The following LRBA variants were observed in gnomAD, a reference collection of about 807,000 sequenced individuals.
LRBA encodes lipopolysaccharide-responsive and beige-like anchor protein.
Under a neutral mutation model 330.0 loss-of-function variants are expected in LRBA, and 176 were observed. The observed-to-expected ratio is 0.53, with a 90% CI of 0.47 to 0.60. The LOEUF (loss-of-function observed/expected upper bound fraction) is 0.60. Ranked by LOEUF, LRBA falls within the 20% of genes least tolerant of loss-of-function variation. The pLI is 0.00. For synonymous variants in LRBA, 1,230 were observed against 1,193.0 expected (o/e 1.03, Z -0.64); for missense variants, 3,259 against 3,444.8 (o/e 0.95, Z 1.35).
chr4:150,749,873 T>C (rs932814811), intron 35 of LRBA, among the ~76,000 whole-genome samples: 2 of 152,260 alleles, frequency 1.3e-5, no homozygotes, highest in African/African-American at 4.8e-5. Flanking sequence ...GCATAGCTTA[T>C]AGGGCCTTAT....
intron 37 of LRBA, among the ~76,000 whole-genome samples, chr4:150,613,586 G>T (rs1417546793): frequency 6.6e-6 from 1 of 152,206 alleles, no homozygotes; most frequent in Non-Finnish European, 1.5e-5. Context: ...ATCATTTTAG[G>T]AGTCTGGCTC....
At position 150,543,472 on chromosome 4, in the gene LRBA, C is replaced by A. The variant is rs78157914; in HGVS notation, c.6330+44576G>T. Among the ~76,000 whole-genome samples, 174 of 152,240 alleles carry A rather than the reference C, an allele frequency of 1.1e-3. 3 individuals are homozygous for A. The highest frequency in any genetic ancestry group is 4.1e-3 in the African/African-American group (170 of 41,554). On this transcript the variant is annotated intron_variant, in intron 40 of 56. Coordinates refer to ENST00000651943, the MANE Select transcript of LRBA (RefSeq NM_001364905.1). ...CTTATCTGTTTTAACCAAATATTTT[C>A]TTGACGCAGAAGAGGCAATCATGAT... is the stretch of plus-strand genomic sequence containing the variant.
At chr4:150,616,230 G>A (rs999967716) in intron 37 of LRBA, among the ~76,000 whole-genome samples, 1 of 152,260 alleles carries the variant, frequency 6.6e-6, no homozygotes, top group South Asian at 2.1e-4. Flanking sequence ...CATAATACAG[G>A]TGTGGACTGG....
chr4:150,892,945 C>T, intron 17 of LRBA, 107 bp downstream of exon 17: 2 of 648,054 alleles, frequency 3.1e-6, no homozygotes, highest in South Asian at 5.8e-5. Flanking sequence ...TCATTTCATG[C>T]TATAAACTCA....
intron 46 of LRBA, among the ~76,000 whole-genome samples, chr4:150,434,844 C>T (rs550032554): frequency 1.3e-5 from 2 of 150,678 alleles, no homozygotes; most frequent in African/African-American, 2.4e-5. Flanking sequence ...AGTGACAAAG[C>T]GAGACCTTGT....
At chr4:150,645,667 C>G (rs1227769561) in intron 37 of LRBA, among the ~76,000 whole-genome samples, 1 of 151,724 alleles carries the variant, frequency 6.6e-6, no homozygotes, top group Non-Finnish European at 1.5e-5. Context: ...AGAGAAAAAT[C>G]TAACAATTAT....
chr4:150,313,465 T>C (rs764304048), intron 51 of LRBA, among the ~76,000 whole-genome samples: 1 of 152,154 alleles, frequency 6.6e-6, no homozygotes, highest in Non-Finnish European at 1.5e-5. Flanking sequence ...AAAAATTGTC[T>C]GAGAGGATAC....
intron 47 of LRBA, among the ~76,000 whole-genome samples, chr4:150,394,136 A>G (rs1301388173): frequency 1.3e-5 from 2 of 152,124 alleles, no homozygotes; most frequent in African/African-American, 4.8e-5. Context: ...TGATCATTCA[A>G]TATTATTCCT....
chr4:150,872,794 T>C (rs902195097), intron 17 of LRBA, 39 bp from the exon 18 acceptor site: 6 of 1,058,760 alleles, frequency 5.7e-6, no homozygotes, highest in Non-Finnish European at 8.5e-6. Context: ...ATTTTGAGTA[T>C]AATTTTTAAA....
chr4:150,847,495 G>T (rs1166610762), intron 26 of LRBA, among the ~76,000 whole-genome samples: 1 of 152,128 alleles, frequency 6.6e-6, no homozygotes, highest in African/African-American at 2.4e-5. Context: ...GTATACATTA[G>T]TTTATGTAAC....
intron 48 of LRBA, among the ~76,000 whole-genome samples, chr4:150,344,397 T>A (rs1735999441): frequency 6.6e-6 from 1 of 152,220 alleles, no homozygotes; most frequent in South Asian, 2.1e-4. Flanking sequence ...ATCCTCTACT[T>A]TCTAAGCTAT....
At chr4:150,861,619 A>G (rs1321230551) in intron 22 of LRBA, among the ~76,000 whole-genome samples, 1 of 152,206 alleles carries the variant, frequency 6.6e-6, no homozygotes, top group Non-Finnish European at 1.5e-5. Flanking sequence ...GTGCAGGTCT[A>G]GTACACTACA....
At chr4:150,298,742 T>C (rs1478231029) in intron 53 of LRBA, among the ~76,000 whole-genome samples, 5 of 152,024 alleles carry the variant, frequency 3.3e-5, no homozygotes, top group Non-Finnish European at 5.9e-5. Flanking sequence ...GCATGTCTGA[T>C]TGCAATGAGG....
chr4:150,521,919 A>G (rs1762961220), intron 40 of LRBA, among the ~76,000 whole-genome samples: 1 of 152,224 alleles, frequency 6.6e-6, no homozygotes, highest in Admixed American at 6.5e-5. Flanking sequence ...TCAGTTACTG[A>G]TAGAAAAATT....
intron 37 of LRBA, among the ~76,000 whole-genome samples, chr4:150,650,499 G>C (rs1272252804): frequency 6.6e-6 from 1 of 152,020 alleles, no homozygotes; most frequent in African/African-American, 2.4e-5. Context: ...GCACCAAATA[G>C]AGTAAGGAAT....
intron 9 of LRBA, among the ~76,000 whole-genome samples, chr4:150,911,814 C>T (rs1159648984): frequency 6.6e-6 from 1 of 152,150 alleles, no homozygotes; most frequent in African/African-American, 2.4e-5. Flanking sequence ...GTGAAGCCAT[C>T]TAGTCCCTGG....
At chr4:150,841,001 G>C (rs1192786869) in intron 28 of LRBA, 5 of 1,256,504 alleles carry the variant, frequency 4.0e-6, no homozygotes, top group Non-Finnish European at 5.2e-6. Flanking sequence ...TGTGATCCGT[G>C]ATCTGACAAA....
At chr4:150,646,783 C>T (rs1581913654) in intron 37 of LRBA, among the ~76,000 whole-genome samples, 2 of 152,078 alleles carry the variant, frequency 1.3e-5, no homozygotes, top group African/African-American at 4.8e-5. Flanking sequence ...ATTTGAAATG[C>T]TAAAAAATCC....
intron 33 of LRBA, among the ~76,000 whole-genome samples, chr4:150,805,202 G>A (rs1267805469): frequency 1.7e-5 from 1 of 60,144 alleles, no homozygotes; most frequent in Admixed American, 2.2e-4. Flanking sequence ...GAAGGCAGAA[G>A]GAAGGAAGGA....
Sources: allele counts gnomAD v4.1 joint callset (sites outside exome capture counted in the v4.1 genomes callset), GRCh38; gene constraint gnomAD v4.1.1; transcripts MANE v1.5; gene names NCBI Gene and HGNC (gene_info 2026-07-23, HGNC 2026-07-21).